Variants in LMNTD1 observed in about 807,000 individuals in gnomAD.
LMNTD1 encodes lamin tail domain-containing protein 1.
LMNTD1 carries 35 observed loss-of-function variants against 50.9 expected under a neutral mutation model. The ratio of observed to expected loss-of-function variants is 0.69; its 90% CI spans 0.53 to 0.91. The LOEUF is 0.91. LMNTD1 is among the 40% of genes least tolerant of loss of function. LMNTD1 has a pLI of 0.00. For synonymous variants in LMNTD1, 153 were observed against 161.9 expected, an observed-to-expected ratio of 0.94 and a Z score of 0.42; for missense variants, 470 against 475.5, an observed-to-expected ratio of 0.99 and a Z score of 0.11.
chr12:25,608,632 A>C (rs953527362), intron 1 of LMNTD1, among the ~76,000 whole-genome samples: 23 of 151,986 alleles, frequency 1.5e-4, no homozygotes, highest in Admixed American at 3.9e-4. Flanking sequence ...GTTGAAAATT[A>C]TTTTCTTTAA....
At chr12:25,617,372 A>G (rs1342740961) in intron 1 of LMNTD1, among the ~76,000 whole-genome samples, 2 of 152,140 alleles carry the variant, frequency 1.3e-5, no homozygotes, top group Non-Finnish European at 2.9e-5. Flanking sequence ...CAGACACTTC[A>G]CTGACATCAG....
At chr12:25,482,887 G>GCACTTTGGAGCGTGTGT in intron 9 of LMNTD1, among the ~76,000 whole-genome samples, 1 of 152,038 alleles carries the variant, frequency 6.6e-6, no homozygotes, top group East Asian at 1.9e-4. Context: ...AAAGAATGCT[G>GCACTTTGGAGCGTGTGT]TCGGGCCGCA....
intron 9 of LMNTD1, among the ~76,000 whole-genome samples, chr12:25,497,313 G>T (rs553776881): frequency 6.6e-6 from 1 of 152,142 alleles, no homozygotes; most frequent in African/African-American, 2.4e-5. Flanking sequence ...GTATTTCAAC[G>T]GCCGGCGGGA....
At chr12:25,476,735 A>G (rs1374117607) in intron 9 of LMNTD1, among the ~76,000 whole-genome samples, 1 of 152,192 alleles carries the variant, frequency 6.6e-6, no homozygotes, top group Admixed American at 6.5e-5. Flanking sequence ...CTTGACTTCT[A>G]GAGTTTTTTT....
chr12:25,634,615 C>T (rs1057154730), intron 1 of LMNTD1, among the ~76,000 whole-genome samples: 6 of 151,440 alleles, frequency 4.0e-5, no homozygotes, highest in African/African-American at 1.4e-4. Context: ...AAAAAGCATT[C>T]GACAAAACTC....
At chr12:25,569,763 A>G (rs571796616) in intron 1 of LMNTD1, among the ~76,000 whole-genome samples, 7 of 152,192 alleles carry the variant, frequency 4.6e-5, no homozygotes, top group African/African-American at 1.7e-4. Context: ...CACTCTTGCC[A>G]TGGGAGATGC....
intron 4 of LMNTD1, among the ~76,000 whole-genome samples, chr12:25,527,170 C>A (rs1326375592): frequency 6.6e-6 from 1 of 151,966 alleles, no homozygotes; most frequent in Admixed American, 6.6e-5. Flanking sequence ...TAACCTATTT[C>A]ACTTAAAATA....
intron 2 of LMNTD1, among the ~76,000 whole-genome samples, chr12:25,552,580 T>A (rs1198746554): frequency 2.4e-4 from 2 of 8,310 alleles, no homozygotes; most frequent in Non-Finnish European, 1.1e-3. Flanking sequence ...GCACTCTGTC[T>A]GAAAAAAAAA....
intron 8 of LMNTD1, among the ~76,000 whole-genome samples, chr12:25,509,147 G>A (rs964356073): frequency 5.9e-5 from 9 of 152,112 alleles, no homozygotes; most frequent in Non-Finnish European, 7.4e-5. Flanking sequence ...CACTCTTGTC[G>A]TCCAGGCTGG....
At chr12:25,596,772 A>T (rs1165231141) in intron 1 of LMNTD1, among the ~76,000 whole-genome samples, 1 of 152,128 alleles carries the variant, frequency 6.6e-6, no homozygotes, top group Admixed American at 6.6e-5. Flanking sequence ...ACAGAACATT[A>T]TAACACCGTA....
chr12:25,591,201 C>T (rs995026704), intron 1 of LMNTD1, among the ~76,000 whole-genome samples: 4 of 152,132 alleles, frequency 2.6e-5, no homozygotes, highest in African/African-American at 7.2e-5. Context: ...AGGCAAAGAT[C>T]CTTGTTTTCT....
chr12:25,569,892 T>A (rs1052312637), intron 1 of LMNTD1, among the ~76,000 whole-genome samples: 2 of 152,202 alleles, frequency 1.3e-5, no homozygotes, highest in Non-Finnish European at 2.9e-5. Context: ...CAACCTCTTT[T>A]ATTTATAAAT....
rs376707066 is a variant in LMNTD1, at chr12:25,527,681, TACAC to T, written c.492-730_492-727del. 9.9e-3 allele frequency among the ~76,000 whole-genome samples: 315 copies of T among 31,966 alleles called. 2 individuals are homozygous for T. Among genetic ancestry groups the T allele is most frequent in the Middle Eastern group, 0.016 (1 of 64 alleles). The allele number at this position is 31,966 out of a possible 152,430, so 21.0% of individuals were successfully genotyped here. Reference sequence around the variant, plus strand: ...ATATATATATATATATATATATATATACACACACACACACACACACACACACACA... The same window carrying T: ...ATATATATATATATATATATATATATACACACACACACACACACACACACA... On this transcript the variant is annotated intron_variant, in intron 4 of 9. Coordinates refer to ENST00000458174, the MANE Select transcript of LMNTD1 (RefSeq NM_001145728.2).
chr12:25,586,301 A>G (rs1387123023), intron 1 of LMNTD1, among the ~76,000 whole-genome samples: 5 of 152,060 alleles, frequency 3.3e-5, no homozygotes, highest in Non-Finnish European at 7.4e-5. Context: ...CCCATCCACT[A>G]GATCACCAAC....
intron 1 of LMNTD1, among the ~76,000 whole-genome samples, chr12:25,596,074 G>A (rs571106564): frequency 6.6e-6 from 1 of 152,084 alleles, no homozygotes; most frequent in South Asian, 2.1e-4. Flanking sequence ...CCAATAACAA[G>A]CAGTAAGATT....
chr12:25,530,102 G>A (rs1275057621), intron 4 of LMNTD1, among the ~76,000 whole-genome samples: 2 of 152,090 alleles, frequency 1.3e-5, no homozygotes, highest in Non-Finnish European at 2.9e-5. Flanking sequence ...TAGTGCAGTT[G>A]CACAAGCTGC....
intron 5 of LMNTD1, 131 bp from the exon 6 acceptor site, chr12:25,526,349 G>T: frequency 2.4e-6 from 2 of 832,180 alleles, no homozygotes; most frequent in Non-Finnish European, 3.5e-6. Flanking sequence ...CATATACAAT[G>T]TCAAGCTATG....
chr12:25,645,492 T>C (rs1171694489), intron 1 of LMNTD1, among the ~76,000 whole-genome samples: 1 of 152,172 alleles, frequency 6.6e-6, no homozygotes, highest in Non-Finnish European at 1.5e-5. Context: ...CACTGCAGCC[T>C]TTAAAAAAAG....
chr12:25,486,952 T>C (rs1227341513), intron 9 of LMNTD1, among the ~76,000 whole-genome samples: 1 of 152,196 alleles, frequency 6.6e-6, no homozygotes, highest in African/African-American at 2.4e-5. Flanking sequence ...TCAAGGATAT[T>C]GGTCTTAATC....
Sources: allele counts gnomAD v4.1 joint callset (sites outside exome capture counted in the v4.1 genomes callset), GRCh38; gene constraint gnomAD v4.1.1; transcripts MANE v1.5; gene names NCBI Gene and HGNC (gene_info 2026-07-23, HGNC 2026-07-21).